LRRTM4: variants seen among roughly 807,000 people sequenced by gnomAD.
LRRTM4 encodes the protein leucine-rich repeat transmembrane neuronal protein 4.
In LRRTM4, 25 loss-of-function variants were observed where a neutral mutation model predicts 47.6. The ratio of observed to expected loss-of-function variants is 0.53; its 90% CI spans 0.38 to 0.73. LRRTM4 has a LOEUF of 0.73. LRRTM4 is among the 30% of genes least tolerant of loss of function. The pLI is 0.00. For synonymous variants in LRRTM4, 311 were observed against 269.5 expected, an observed-to-expected ratio of 1.15 and a Z score of -1.51; for missense variants, 638 against 713.4, an observed-to-expected ratio of 0.89 and a Z score of 1.20.
intron 3 of LRRTM4, among the ~76,000 whole-genome samples, chr2:76,953,112 A>C (rs2103891338): frequency 6.6e-6 from 1 of 152,020 alleles, no homozygotes. Context: ...ATACTAGTGT[A>C]ACAAACCTTC....
At chr2:76,880,561 T>G (rs1204790194) in intron 3 of LRRTM4, among the ~76,000 whole-genome samples, 1 of 152,176 alleles carries the variant, frequency 6.6e-6, no homozygotes, top group African/African-American at 2.4e-5. Flanking sequence ...TTTATTATGT[T>G]ATTAACTTTG....
chr2:77,277,570 T>G (rs1676396455), intron 3 of LRRTM4, among the ~76,000 whole-genome samples: 2 of 152,044 alleles, frequency 1.3e-5, no homozygotes, highest in Admixed American at 1.3e-4. Context: ...AAGGGGGATA[T>G]CCTCACAGTT....
intron 3 of LRRTM4, among the ~76,000 whole-genome samples, chr2:77,017,386 TG>T (rs756612928): frequency 3.9e-4 from 60 of 152,224 alleles, no homozygotes; most frequent in Non-Finnish European, 7.6e-4. Context: ...CCATCCTTAT[TG>T]GCCTCATACA....
At chr2:77,448,786 T>C (rs1013889643) in intron 3 of LRRTM4, among the ~76,000 whole-genome samples, 2 of 152,162 alleles carry the variant, frequency 1.3e-5, no homozygotes, top group Non-Finnish European at 2.9e-5. Flanking sequence ...ATCAGAACAG[T>C]ATATTGTTTC....
At chr2:76,925,420 G>A (rs1019797671) in intron 3 of LRRTM4, among the ~76,000 whole-genome samples, 6 of 152,086 alleles carry the variant, frequency 3.9e-5, no homozygotes, top group African/African-American at 1.4e-4. Flanking sequence ...TTCAGCCTCT[G>A]AGGCTCTTAG....
At chr2:77,177,603 A>G (rs1433490839) in intron 3 of LRRTM4, among the ~76,000 whole-genome samples, 1 of 152,206 alleles carries the variant, frequency 6.6e-6, no homozygotes, top group Non-Finnish European at 1.5e-5. Context: ...AGTCATGAAG[A>G]GGTGGTTCTC....
rs184252739 is a variant in LRRTM4 at position 77,069,474 on chromosome 2, G to T, written c.1552-320558C>A. Among the ~76,000 whole-genome samples, 196 of 150,214 alleles carry T rather than the reference G, an allele frequency of 1.3e-3. 1 individual carries two copies. Among genetic ancestry groups the T allele is most frequent in the Middle Eastern group, 3.4e-3 (1 of 294 alleles). ...TGGAAGAGTTCAAGAAGGATTTGTG[G>T]CAATTCTGTTTTTAAATATTTGGTA... On this transcript the variant is annotated intron_variant, in intron 3 of 3. Coordinates refer to ENST00000409884, the MANE Select transcript of LRRTM4 (RefSeq NM_001134745.3).
At chr2:77,228,208 C>G (rs1462754140) in intron 3 of LRRTM4, among the ~76,000 whole-genome samples, 1 of 152,070 alleles carries the variant, frequency 6.6e-6, no homozygotes, top group East Asian at 1.9e-4. Context: ...TGGGTGCTGT[C>G]CAAATCCATG....
intron 3 of LRRTM4, among the ~76,000 whole-genome samples, chr2:76,904,886 G>C (rs988529214): frequency 6.6e-6 from 1 of 152,198 alleles, no homozygotes; most frequent in Non-Finnish European, 1.5e-5. Flanking sequence ...ATTCTTGGGG[G>C]AGGAGCCAAG....
intron 3 of LRRTM4, among the ~76,000 whole-genome samples, chr2:77,499,635 C>T (rs1678496684): frequency 6.6e-6 from 1 of 151,912 alleles, no homozygotes; most frequent in South Asian, 2.1e-4. Flanking sequence ...GTCAGTCACT[C>T]TAACTAGATG....
chr2:77,210,520 CTCTG>C (rs1201901891), intron 3 of LRRTM4, among the ~76,000 whole-genome samples: 1 of 152,122 alleles, frequency 6.6e-6, no homozygotes. Context: ...CCTTTTCTGT[CTCTG>C]TGTCATATTC....
intron 3 of LRRTM4, among the ~76,000 whole-genome samples, chr2:77,429,820 C>T (rs946059469): frequency 6.6e-6 from 1 of 152,130 alleles, no homozygotes; most frequent in Non-Finnish European, 1.5e-5. Context: ...AATCACAGCA[C>T]TTTGTGAGGC....
chr2:77,214,018 G>A (rs777082438), intron 3 of LRRTM4, among the ~76,000 whole-genome samples: 1 of 151,902 alleles, frequency 6.6e-6, no homozygotes, highest in Non-Finnish European at 1.5e-5. Context: ...GAAATATTAG[G>A]GACTCACAGT....
chr2:76,903,024 T>G (rs375095169), intron 3 of LRRTM4, among the ~76,000 whole-genome samples: 6 of 152,274 alleles, frequency 3.9e-5, no homozygotes, highest in African/African-American at 1.4e-4. Flanking sequence ...AATTTCTCAA[T>G]TCATTAATAT....
Position 77,137,064 on chromosome 2 carries a change from C to A in LRRTM4, c.1551+381254G>T, listed in dbSNP as rs187270768. ...TGGAAAACACTCTGCAAGATATTATCCAGGAGAACTTCCCCAACCTACCAA... is the reference window on the plus strand; with the variant it reads ...TGGAAAACACTCTGCAAGATATTATACAGGAGAACTTCCCCAACCTACCAA... On this transcript the variant is annotated intron_variant, in intron 3 of 3. Coordinates refer to ENST00000409884, the MANE Select transcript of LRRTM4 (RefSeq NM_001134745.3). 2.2e-3 allele frequency among the ~76,000 whole-genome samples: 327 copies of A among 151,916 alleles called. 6 individuals carry two copies. Among genetic ancestry groups the A allele is most frequent in the Non-Finnish European group, 2.6e-4 (18 of 68,002 alleles).
chr2:77,302,932 A>G (rs2104168219), intron 3 of LRRTM4, among the ~76,000 whole-genome samples: 1 of 152,300 alleles, frequency 6.6e-6, no homozygotes, highest in East Asian at 1.9e-4. Context: ...AGGGTAAAAG[A>G]GGAATACAAC....
intron 3 of LRRTM4, among the ~76,000 whole-genome samples, chr2:76,952,873 T>C (rs977033757): frequency 6.6e-6 from 1 of 152,006 alleles, no homozygotes; most frequent in Admixed American, 6.6e-5. Flanking sequence ...TGATATCATG[T>C]ACTTTGCAGC....
At chr2:76,957,304 G>A (rs1050206830) in intron 3 of LRRTM4, among the ~76,000 whole-genome samples, 1 of 151,624 alleles carries the variant, frequency 6.6e-6, no homozygotes, top group Non-Finnish European at 1.5e-5. Context: ...TTTCAGTCAT[G>A]CAAAATGAAA....
At chr2:77,163,798 T>C (rs746021691) in intron 3 of LRRTM4, among the ~76,000 whole-genome samples, 20 of 151,992 alleles carry the variant, frequency 1.3e-4, no homozygotes, top group Non-Finnish European at 2.6e-4. Context: ...TTACAAGAGC[T>C]CCTGAAGAAA....
Sources: allele counts gnomAD v4.1 joint callset (sites outside exome capture counted in the v4.1 genomes callset), GRCh38; gene constraint gnomAD v4.1.1; transcripts MANE v1.5; gene names NCBI Gene and HGNC (gene_info 2026-07-23, HGNC 2026-07-21).